Variants in CAST observed in about 807,000 individuals in gnomAD.
CAST encodes the protein calpastatin.
Under a neutral mutation model 119.6 loss-of-function variants are expected in CAST, and 76 were observed. The ratio of observed to expected loss-of-function variants is 0.64; its 90% confidence interval spans 0.53 to 0.77. The LOEUF is 0.77. Among genes scored for constraint, CAST ranks in the 30% least tolerant of loss-of-function variants. The pLI, the probability that CAST is intolerant of heterozygous loss-of-function variation, is 0.00. For missense variants in CAST, 953 were observed against 946.5 expected, an observed-to-expected ratio of 1.01 and a Z score of -0.09; for synonymous variants, 319 against 331.6, an observed-to-expected ratio of 0.96 and a Z score of 0.41.
chr5:96,620,288 C>CT (rs60552077), intron 1 of CAST, among the ~76,000 whole-genome samples: 10,883 of 134,494 alleles, frequency 0.081, 467 homozygotes, highest in South Asian at 0.14. Flanking sequence ...AGTTCTTTTT[C>CT]TTTTTTTTTT....
At chr5:96,211,596 A>AT in the CAST span, among the ~76,000 whole-genome samples, 3 of 151,808 alleles carry the variant, frequency 2.0e-5, no homozygotes, top group Non-Finnish European at 4.4e-5. Flanking sequence ...TTGGCTAATG[A>AT]TTTTCTTTTT....
At chr5:96,603,381 C>G (rs1452001314) in intron 1 of CAST, among the ~76,000 whole-genome samples, 1 of 152,044 alleles carries the variant, frequency 6.6e-6, no homozygotes, top group Non-Finnish European at 1.5e-5. Context: ...AAGCTTTTTT[C>G]TATTTTTAAA....
At chr5:96,068,292 A>G in the CAST span, among the ~76,000 whole-genome samples, 1 of 152,042 alleles carries the variant, frequency 6.6e-6, no homozygotes, top group African/African-American at 2.4e-5. Flanking sequence ...CTTATATATT[A>G]TCTCTATTAC....
chr5:96,394,855 C>T, the CAST span: 1 of 1,613,782 alleles, frequency 6.2e-7, no homozygotes, highest in East Asian at 2.2e-5. Context: ...AGAACAGAGC[C>T]ACACAGACCT....
chr5:96,235,474 G>A, the CAST span, among the ~76,000 whole-genome samples: 5 of 152,268 alleles, frequency 3.3e-5, no homozygotes, highest in African/African-American at 1.2e-4. Flanking sequence ...GAGCTGTGGC[G>A]AGGATAAATT....
At chr5:96,195,140 T>C in the CAST span, among the ~76,000 whole-genome samples, 1 of 152,230 alleles carries the variant, frequency 6.6e-6, no homozygotes, top group Non-Finnish European at 1.5e-5. Flanking sequence ...TTCAGTTTAA[T>C]ATAAACAAAA....
At chr5:96,157,162 T>C in the CAST span, among the ~76,000 whole-genome samples, 34 of 152,214 alleles carry the variant, frequency 2.2e-4, no homozygotes, top group Non-Finnish European at 4.9e-4. Flanking sequence ...TTCCCTGTTT[T>C]TAATACAGCC....
intron 22 of CAST, among the ~76,000 whole-genome samples, chr5:96,756,580 C>T (rs1766375442): frequency 2.0e-5 from 3 of 152,148 alleles, no homozygotes; most frequent in Admixed American, 2.0e-4. Context: ...CAGGTCAGCA[C>T]TCAAAAAGTT....
the CAST span, among the ~76,000 whole-genome samples, chr5:96,422,898 A>C: frequency 6.7e-6 from 1 of 149,178 alleles, no homozygotes; most frequent in African/African-American, 2.6e-5. Context: ...GCATGGAAGG[A>C]ATCACATTCA....
chr5:96,232,129 C>T, the CAST span, among the ~76,000 whole-genome samples: 325 of 151,956 alleles, frequency 2.1e-3, no homozygotes, highest in East Asian at 6.0e-3. Context: ...AAGTTTTATC[C>T]GGGGTCAATT....
At chr5:96,313,619 A>T in the CAST span, among the ~76,000 whole-genome samples, 1 of 152,204 alleles carries the variant, frequency 6.6e-6, no homozygotes, top group Non-Finnish European at 1.5e-5. Context: ...AAACATCCAT[A>T]TGCAGGTTTT....
At chr5:96,359,255 T>C in the CAST span, among the ~76,000 whole-genome samples, 1 of 152,242 alleles carries the variant, frequency 6.6e-6, no homozygotes. Context: ...GTCTCCTGAA[T>C]ACAGCACACT....
chr5:96,378,973 C>T, the CAST span, among the ~76,000 whole-genome samples: 4 of 152,070 alleles, frequency 2.6e-5, no homozygotes, highest in Admixed American at 6.5e-5. Context: ...ATAAAACTTT[C>T]GAATTCATTT....
At chr5:96,227,993 CTT>C in the CAST span, among the ~76,000 whole-genome samples, 72 of 135,914 alleles carry the variant, frequency 5.3e-4, no homozygotes, top group Middle Eastern at 3.7e-3. Context: ...TAGTCTCCCT[CTT>C]TCTCTCTCTG....
chr5:96,740,572 T>C (rs1762461239), intron 12 of CAST, among the ~76,000 whole-genome samples, 173 bp from the exon 13 acceptor site: 2 of 152,140 alleles, frequency 1.3e-5, no homozygotes, highest in Admixed American at 1.3e-4. Context: ...TTTACTTGAT[T>C]CTATAAGGAA....
the CAST span, among the ~76,000 whole-genome samples, chr5:96,092,673 G>A: frequency 6.6e-6 from 1 of 152,178 alleles, no homozygotes. Flanking sequence ...GGAATAATTT[G>A]AGGCCAACTT....
intron 2 of CAST, chr5:96,679,608 CA>C (rs1751107676): frequency 6.6e-6 from 1 of 152,078 alleles, no homozygotes; most frequent in African/African-American, 2.4e-5. Context: ...TTAAAAGCTT[CA>C]AATTTAACAA....
chr5:96,754,751 C>G lies in CAST; in HGVS notation c.1710+10C>G, dbSNP rs748902169. 14 of 1,494,534 alleles carry G rather than the reference C, an allele frequency of 9.4e-6. 1 individual carries two copies. Among genetic ancestry groups the G allele is most frequent in the Non-Finnish European group, 1.3e-5 (14 of 1,075,718 alleles). 92.6% of individuals were successfully genotyped at this position (1,494,534 alleles called of 1,614,324 possible). A position where few individuals can be genotyped will look rare whatever the true frequency, so the allele number is the denominator to read the frequency against. On this transcript the variant is annotated intron_variant, in intron 22 of 31. Coordinates refer to ENST00000675179, the MANE Select transcript of CAST (RefSeq NM_001750.7). ...ATTAGAAGAGGTCAAGGTAAACAGG[C>G]TGGAGTCTTTTTCTATTTTATTTTA... is the stretch of plus-strand genomic sequence containing the variant.
chr5:96,293,916 C>T, the CAST span, among the ~76,000 whole-genome samples: 2 of 151,918 alleles, frequency 1.3e-5, no homozygotes, highest in East Asian at 3.9e-4. Context: ...CCCAACACCA[C>T]GCCTGGCTAA....
Sources: allele counts gnomAD v4.1 joint callset (sites outside exome capture counted in the v4.1 genomes callset), GRCh38; gene constraint gnomAD v4.1.1; transcripts MANE v1.5; gene names NCBI Gene and HGNC (gene_info 2026-07-23, HGNC 2026-07-21).